Variants in SUCLG2 observed in about 807,000 individuals in gnomAD.
SUCLG2 encodes succinate-CoA ligase GDP-forming subunit beta, also known as succinate--CoA ligase [GDP-forming] subunit beta, mitochondrial.
Under a neutral mutation model 47.9 loss-of-function variants are expected in SUCLG2, and 42 were observed. The observed-to-expected ratio is 0.88, with a 90% confidence interval of 0.69 to 1.14. The LOEUF (loss-of-function observed/expected upper bound fraction) is 1.14. SUCLG2 is among the 50% of genes most tolerant of loss of function. The pLI, the probability that SUCLG2 is intolerant of heterozygous loss-of-function variation, is 0.00. For missense variants in SUCLG2, 571 were observed against 525.9 expected (o/e 1.09, Z -0.84); for synonymous variants, 195 against 197.3 (o/e 0.99, Z 0.10).
intron 2 of SUCLG2, among the ~76,000 whole-genome samples, chr3:67,553,886 ACACAT>A (rs1362900551): frequency 6.6e-6 from 1 of 152,238 alleles, no homozygotes; most frequent in Non-Finnish European, 1.5e-5. Flanking sequence ...AACAGTAGAA[ACACAT>A]CAACTAAAAA....
intron 9 of SUCLG2, among the ~76,000 whole-genome samples, chr3:67,403,537 GA>G (rs11336426): frequency 0.72 from 109,285 of 151,958 alleles, 39,669 homozygotes; most frequent in Admixed American, 0.81. Context: ...CCTCAGGGAA[GA>G]ATTCAAAGAC....
At chr3:67,514,143 G>T in intron 6 of SUCLG2, 1 of 297,442 alleles carries the variant, frequency 3.4e-6, no homozygotes. Flanking sequence ...TGATTTGTTG[G>T]ACCTATGCAA....
chr3:67,428,202 C>T (rs1349437991), intron 9 of SUCLG2, among the ~76,000 whole-genome samples: 2 of 152,162 alleles, frequency 1.3e-5, no homozygotes, highest in African/African-American at 4.8e-5. Context: ...CAGTAGGGGC[C>T]GACTGACACC....
intron 9 of SUCLG2, among the ~76,000 whole-genome samples, chr3:67,491,371 TTTTTTTTTTC>T (rs1271678953): frequency 4.1e-5 from 6 of 146,718 alleles, no homozygotes; most frequent in African/African-American, 1.5e-4. Flanking sequence ...CTTTTTTTTT[TTTTTTTTTTC>T]CAGACGAAGT....
chr3:67,559,983 T>G (rs903311968), intron 2 of SUCLG2, among the ~76,000 whole-genome samples: 1 of 151,996 alleles, frequency 6.6e-6, no homozygotes, highest in Non-Finnish European at 1.5e-5. Flanking sequence ...GGGAGGGGTA[T>G]ATGGGAACTC....
chr3:67,560,884 T>C (rs1707291597), intron 2 of SUCLG2, among the ~76,000 whole-genome samples: 1 of 151,694 alleles, frequency 6.6e-6, no homozygotes, highest in Non-Finnish European at 1.5e-5. Context: ...TAGGTGTCAG[T>C]GATCAATTAA....
intron 1 of SUCLG2, among the ~76,000 whole-genome samples, chr3:67,621,679 G>C (rs1226464814): frequency 6.6e-6 from 1 of 152,102 alleles, no homozygotes; most frequent in Non-Finnish European, 1.5e-5. Context: ...AAAAAGAAGA[G>C]AGATGAGAGC....
intron 5 of SUCLG2, among the ~76,000 whole-genome samples, chr3:67,519,705 G>T (rs7648502): frequency 0.68 from 102,730 of 151,986 alleles, 35,009 homozygotes; most frequent in Middle Eastern, 0.76. Flanking sequence ...GTGGAAAATT[G>T]TAATGTAATT....
intron 9 of SUCLG2, among the ~76,000 whole-genome samples, chr3:67,427,805 CAGG>C (rs1703346615): frequency 6.6e-6 from 1 of 152,198 alleles, no homozygotes. Context: ...AATGGCACAC[CAGG>C]AGATTATGTC....
At chr3:67,577,260 ATCCT>A (rs1373635033) in intron 2 of SUCLG2, among the ~76,000 whole-genome samples, 1 of 152,126 alleles carries the variant, frequency 6.6e-6, no homozygotes, top group African/African-American at 2.4e-5. Flanking sequence ...GTGAGCTGAG[ATCCT>A]GCCACTGCAC....
intron 2 of SUCLG2, among the ~76,000 whole-genome samples, chr3:67,568,034 C>T (rs1399299968): frequency 6.6e-6 from 1 of 152,172 alleles, no homozygotes; most frequent in African/African-American, 2.4e-5. Flanking sequence ...AATGTAAGAA[C>T]AAGGGCATCG....
intron 9 of SUCLG2, among the ~76,000 whole-genome samples, chr3:67,432,566 T>A (rs1326741809): frequency 6.6e-6 from 1 of 152,218 alleles, no homozygotes; most frequent in Non-Finnish European, 1.5e-5. Context: ...GCTTCCTTTT[T>A]CTTTACACCT....
intron 9 of SUCLG2, among the ~76,000 whole-genome samples, chr3:67,487,909 G>GT (rs1705099892): frequency 2.6e-5 from 4 of 151,980 alleles, no homozygotes. Flanking sequence ...TTTTAAATTT[G>GT]TAACACCCTG....
At chr3:67,434,680 GT>G (rs1208543912) in intron 9 of SUCLG2, among the ~76,000 whole-genome samples, 1 of 152,206 alleles carries the variant, frequency 6.6e-6, no homozygotes. Context: ...TGGGAGAAGG[GT>G]AGATGGCAGT....
intron 9 of SUCLG2, among the ~76,000 whole-genome samples, chr3:67,487,299 G>C (rs912911578): frequency 6.6e-6 from 1 of 152,068 alleles, no homozygotes; most frequent in Non-Finnish European, 1.5e-5. Flanking sequence ...GGGAAACTAA[G>C]TAAATCATAG....
intron 9 of SUCLG2, among the ~76,000 whole-genome samples, chr3:67,478,953 A>G (rs1704840279): frequency 6.6e-6 from 1 of 152,224 alleles, no homozygotes; most frequent in African/African-American, 2.4e-5. Context: ...ACCCTCATAT[A>G]GGGTGTAACA....
Position 67,458,419 on chromosome 3 carries a change from C to G in SUCLG2, c.1062+37379G>C, listed in dbSNP as rs1704242531. Among the ~76,000 whole-genome samples, 3 of 152,130 alleles carry G rather than the reference C, an allele frequency of 2.0e-5. No individual in the cohort carries two copies. In the South Asian group the frequency reaches 6.2e-4, roughly 31 times the overall value. Reference sequence around the variant, plus strand: ...CCTATAATAAGTCGAGGGGGTAGGGCTTTACTGCATGAGAACAATTCTGTA... The same window carrying G: ...CCTATAATAAGTCGAGGGGGTAGGGGTTTACTGCATGAGAACAATTCTGTA... On this transcript the variant is annotated intron_variant, in intron 9 of 10. Coordinates refer to ENST00000307227, the MANE Select transcript of SUCLG2 (RefSeq NM_003848.4).
At chr3:67,393,473 G>C (rs1702443984) in intron 10 of SUCLG2, among the ~76,000 whole-genome samples, 1 of 152,334 alleles carries the variant, frequency 6.6e-6, no homozygotes, top group South Asian at 2.1e-4. Flanking sequence ...TGGGGGAGGG[G>C]TGCCTGCCAT....
intron 9 of SUCLG2, among the ~76,000 whole-genome samples, chr3:67,406,726 A>AAG (rs1702820725): frequency 6.6e-6 from 1 of 151,884 alleles, no homozygotes; most frequent in Non-Finnish European, 1.5e-5. Context: ...CTCACAGAGC[A>AAG]AACGCCATGA....
Sources: allele counts gnomAD v4.1 joint callset (sites outside exome capture counted in the v4.1 genomes callset), GRCh38; gene constraint gnomAD v4.1.1; transcripts MANE v1.5; gene names NCBI Gene and HGNC (gene_info 2026-07-23, HGNC 2026-07-21).